RUFY1: variants seen among roughly 807,000 people sequenced by gnomAD.
RUFY1 encodes the protein RUN and FYVE domain containing 1.
A neutral mutation model predicts 94.6 loss-of-function variants in RUFY1; 54 were observed. That is an observed-to-expected ratio of 0.57 (90% CI 0.46 to 0.72). RUFY1 has a LOEUF of 0.72. RUFY1 is among the 30% of genes least tolerant of loss of function. The pLI is 0.00. For synonymous variants in RUFY1, 396 were observed against 347.3 expected (o/e 1.14, Z -1.56); for missense variants, 883 against 883.9 (o/e 1.00, Z 0.01).
chr5:179,566,247 C>CT (rs1434598101), intron 3 of RUFY1, among the ~76,000 whole-genome samples: 3 of 151,838 alleles, frequency 2.0e-5, no homozygotes, highest in African/African-American at 7.3e-5. Flanking sequence ...TTTCCTTTTC[C>CT]TTTTTTCTTT....
intron 10 of RUFY1, among the ~76,000 whole-genome samples, chr5:179,592,931 A>C (rs541993850): frequency 1.3e-5 from 2 of 152,316 alleles, no homozygotes; most frequent in South Asian, 2.1e-4. Flanking sequence ...ACCTAGGCTC[A>C]TCCTGTTACT....
chr5:179,560,265 C>G, intron 2 of RUFY1, 67 bp downstream of exon 2: 4 of 1,540,586 alleles, frequency 2.6e-6, no homozygotes, highest in Non-Finnish European at 3.5e-6. Flanking sequence ...ATTTTTTCAT[C>G]AGCGCCAGAC....
intron 13 of RUFY1, 124 bp from the exon 14 acceptor site, chr5:179,598,568 G>A (rs1765937966): frequency 3.1e-5 from 35 of 1,115,732 alleles, no homozygotes; most frequent in East Asian, 4.7e-5. Flanking sequence ...AAGCGTTGCC[G>A]AAGGCTTTAG....
At chr5:179,577,859 C>A (rs1355323249) in intron 6 of RUFY1, among the ~76,000 whole-genome samples, 131 of 134,334 alleles carry the variant, frequency 9.8e-4, no homozygotes, top group Non-Finnish European at 1.3e-3. Context: ...TTCTCTGCAG[C>A]AAAAAAAAAA....
Position 179,609,526 on chromosome 5 carries a change from G to C in RUFY1, c.*7G>C. The C allele has an allele frequency of 6.3e-7, 1 of 1,594,050 alleles. No individual in the cohort carries two copies. Among genetic ancestry groups the C allele is most frequent in the Non-Finnish European group, 8.5e-7 (1 of 1,174,280 alleles). ...CTCCTCCACGGCCTCCTGAACGTCC[G>C]TCCTCAGGAGCACAGCCTCACGGAC... On this transcript the variant is annotated 3_prime_UTR_variant, in exon 18 of 18. Coordinates refer to ENST00000319449, the MANE Select transcript of RUFY1 (RefSeq NM_025158.5).
rs373274069 is a variant in RUFY1 at position 179,607,603 on chromosome 5, G to C, written c.1927G>C (p.Asp643His). The change falls in exon 17 of 18, where the codon GAC (aspartate) becomes CAC (histidine). Residue 643 changes from aspartate (D) to histidine (H), a missense_variant. By Grantham distance (81) the Asp-to-His change is moderately conservative. Coordinates refer to ENST00000319449, the MANE Select transcript of RUFY1 (RefSeq NM_025158.5). ...ALKGHAWLKD[D>H]EATHCRQCEK... ...TCAGGGCCACGCCTGGCTGAAAGAT[G>C]ACGAAGCGACACACTGTAGGCAGTG... 1.2e-6 allele frequency: 2 copies of C among 1,614,246 alleles called. No homozygotes were observed. The highest frequency in any genetic ancestry group is 1.7e-6 in the Non-Finnish European group (2 of 1,180,036).
chr5:179,597,155 C>T (rs537732260), intron 13 of RUFY1, among the ~76,000 whole-genome samples: 5 of 152,166 alleles, frequency 3.3e-5, no homozygotes, highest in East Asian at 1.9e-4. Context: ...TGGGCTCAAG[C>T]GATTCTTGTG....
chr5:179,595,490 A>G (rs79649260), intron 12 of RUFY1, among the ~76,000 whole-genome samples: 16,802 of 152,072 alleles, frequency 0.11, 1,041 homozygotes, highest in African/African-American at 0.15. Context: ...GAGTGGCACA[A>G]TCCCACCACA....
At chr5:179,600,741 G>C (rs973163313) in intron 14 of RUFY1, among the ~76,000 whole-genome samples, 1 of 129,514 alleles carries the variant, frequency 7.7e-6, no homozygotes, top group Non-Finnish European at 1.6e-5. Context: ...CTGTTGCCCA[G>C]GCTGGAGTGC....
chr5:179,556,530 T>C (rs1373699397), intron 1 of RUFY1, among the ~76,000 whole-genome samples: 1 of 151,864 alleles, frequency 6.6e-6, no homozygotes, highest in East Asian at 1.9e-4. Context: ...GAGAAGGGTC[T>C]CACTCTGTTG....
chr5:179,605,665 A>G (rs1050355505), intron 15 of RUFY1, among the ~76,000 whole-genome samples: 5 of 152,078 alleles, frequency 3.3e-5, no homozygotes, highest in African/African-American at 1.2e-4. Flanking sequence ...ATGCAGTCCC[A>G]GGCTCAGCCT....
intron 5 of RUFY1, 93 bp from the exon 6 acceptor site, chr5:179,576,978 GGAAA>G: frequency 1.1e-6 from 1 of 876,186 alleles, no homozygotes; most frequent in African/African-American, 1.7e-5. Flanking sequence ...AATGTTCATA[GGAAA>G]GAGATAAGAA....
chr5:179,597,309 C>G (rs1252227055), intron 13 of RUFY1, among the ~76,000 whole-genome samples: 1 of 152,084 alleles, frequency 6.6e-6, no homozygotes. Context: ...GATCTCGGCT[C>G]ACTGCAACCT....
chr5:179,608,826 G>C lies in RUFY1; in HGVS notation c.1984-550G>C, dbSNP rs372064490. Among the ~76,000 whole-genome samples the C allele has an allele frequency of 4.6e-5, 7 of 152,014 alleles. No individual in the cohort carries two copies. In the East Asian group the frequency reaches 1.4e-3, roughly 29 times the overall value. The stretch of plus-strand genomic sequence containing the variant: ...GGCACTTGTAATCCCAGCTACTTGG[G>C]AGGCTGAGGCAGGAGAATCGCTTGA... On this transcript the variant is annotated intron_variant, in intron 17 of 17. Transcript: ENST00000319449.
intron 8 of RUFY1, among the ~76,000 whole-genome samples, chr5:179,586,954 GT>G (rs1048611763): frequency 1.3e-5 from 2 of 152,214 alleles, no homozygotes; most frequent in Non-Finnish European, 2.9e-5. Context: ...GAGCACTCGA[GT>G]TGTTTGATTT....
intron 17 of RUFY1, among the ~76,000 whole-genome samples, chr5:179,609,078 G>C (rs1767427872): frequency 6.6e-6 from 1 of 151,736 alleles, no homozygotes; most frequent in Admixed American, 6.6e-5. Context: ...AATTAGCCAG[G>C]TATAGTGGCG....
At chr5:179,591,780 C>A in intron 10 of RUFY1, 39 bp downstream of exon 10, 1 of 1,179,852 alleles carries the variant, frequency 8.5e-7, no homozygotes, top group Non-Finnish European at 1.2e-6. Context: ...AAAGAGTTTC[C>A]CCGTAGTGTT....
intron 14 of RUFY1, 84 bp downstream of exon 14, chr5:179,598,905 C>A: frequency 1.3e-6 from 2 of 1,521,734 alleles, no homozygotes; most frequent in Non-Finnish European, 1.8e-6. Flanking sequence ...CCTCTCCCCG[C>A]ACCCTTTGTG....
rs556184337 is a variant in RUFY1, at chr5:179,593,615, G to A, written c.1383G>A (p.Ala461=). Residue 461 remains alanine (A), a synonymous_variant, in exon 11 of 18, where the codon GCG becomes GCA. Coordinates refer to ENST00000319449, the MANE Select transcript of RUFY1 (RefSeq NM_025158.5). ...GCCAGCAGCTGGAAGAAGTCAAAGC[G>A]ATTAATTTACAGATGTTTCACAAAG... The part of the protein sequence containing the change: ...ALRQQLEEVK[A]INLQMFHKAQ... 25 of 1,613,984 alleles carry A rather than the reference G, an allele frequency of 1.5e-5. No individual in the cohort carries two copies. Among genetic ancestry groups the A allele is most frequent in the Middle Eastern group, 1.6e-4 (1 of 6,084 alleles).
Sources: gnomAD v4.1 joint callset for allele counts (sites outside exome capture counted in the v4.1 genomes callset) on GRCh38, gnomAD v4.1.1 for gene constraint, MANE v1.5 for transcripts, NCBI Gene and HGNC (gene_info 2026-07-23, HGNC 2026-07-21) for gene names.